FBXO8: variants seen among roughly 807,000 people sequenced by gnomAD.
FBXO8 encodes the protein F-box only protein 8.
A neutral mutation model predicts 33.4 loss-of-function variants in FBXO8; 15 were observed. That is an observed-to-expected ratio of 0.45 (90% CI 0.30 to 0.69). The LOEUF (loss-of-function observed/expected upper bound fraction) is 0.69, where lower values mean the gene tolerates loss of function less well. Among genes scored for constraint, FBXO8 ranks in the 30% least tolerant of loss-of-function variants. The pLI, the probability that FBXO8 is intolerant of heterozygous loss-of-function variation, is 0.08. For synonymous variants in FBXO8, 132 were observed against 131.5 expected, an observed-to-expected ratio of 1.00 and a Z score of -0.02; for missense variants, 274 against 380.3, an observed-to-expected ratio of 0.72 and a Z score of 2.32.
intron 1 of FBXO8, among the ~76,000 whole-genome samples, chr4:174,279,101 G>C (rs1265996869): frequency 6.6e-6 from 1 of 151,954 alleles, no homozygotes; most frequent in Non-Finnish European, 1.5e-5. Context: ...TGGAAAGAAA[G>C]CAGTAAAATC....
In FBXO8 at chr4:174,251,852, G is replaced by T. The variant is rs143371860; in HGVS notation, c.456+7847C>A. On this transcript the variant is annotated intron_variant, in intron 3 of 5. Coordinates refer to ENST00000393674, the MANE Select transcript of FBXO8 (RefSeq NM_012180.3). The surrounding 1 kb of genome is among the most constrained non-coding windows in gnomAD (Gnocchi z 4.2). ...CTATGGGTAAACAGTTCTTACAGAG[G>T]GGGGAGCTACTTAAGCCATATTTGG... is the stretch of plus-strand genomic sequence containing the variant. Among the ~76,000 whole-genome samples, 1 of 152,082 alleles carries T rather than the reference G, an allele frequency of 6.6e-6. No homozygotes were observed. Among genetic ancestry groups the T allele is most frequent in the Non-Finnish European group, 1.5e-5 (1 of 68,014 alleles).
At chr4:174,250,721 G>A (rs546509817) in intron 3 of FBXO8, among the ~76,000 whole-genome samples, 2 of 152,180 alleles carry the variant, frequency 1.3e-5, no homozygotes, top group East Asian at 1.9e-4. Context: ...GTAAGTTGAT[G>A]GATGTCTTAC....
Position 174,255,582 on chromosome 4 carries a change from A to T in FBXO8, c.456+4117T>A, listed in dbSNP as rs1402574410. Among the ~76,000 whole-genome samples the T allele has an allele frequency of 3.3e-5, 5 of 151,882 alleles. 1 individual carries two copies. Among genetic ancestry groups the T allele is most frequent in the Admixed American group, 3.3e-4 (5 of 15,254 alleles). ...ATAAATACCAGAAAAATGTGCTTACATAGTCATTAAAAAAAAAAACTTGTT... is the reference window on the plus strand; with the variant it reads ...ATAAATACCAGAAAAATGTGCTTACTTAGTCATTAAAAAAAAAAACTTGTT... On this transcript the variant is annotated intron_variant, in intron 3 of 5. Transcript: ENST00000393674. This position sits in a 1 kb window ranked among gnomAD's most constrained non-coding sequence, Gnocchi z 4.3.
chr4:174,271,025 T>G (rs1452350086), intron 1 of FBXO8, among the ~76,000 whole-genome samples: 2 of 152,156 alleles, frequency 1.3e-5, no homozygotes, highest in African/African-American at 2.4e-5. Flanking sequence ...TTTATGGAAC[T>G]TTTTTGGAAA....
In FBXO8 at chr4:174,267,488, A is replaced by G. The variant is rs1736720272; in HGVS notation, c.-8-4388T>C. On this transcript the variant is annotated intron_variant, in intron 1 of 5. Transcript: ENST00000393674. The surrounding 1 kb of genome is among the most constrained non-coding windows in gnomAD (Gnocchi z 4.7). ...CTTGAGCTCAGGAGTTTGAGGTTATAGTGAGCTATGATCACACCACTGCAC... is the reference window on the plus strand; with the variant it reads ...CTTGAGCTCAGGAGTTTGAGGTTATGGTGAGCTATGATCACACCACTGCAC... Among the ~76,000 whole-genome samples the G allele has an allele frequency of 6.6e-6, 1 of 152,218 alleles. No homozygotes were observed. Among genetic ancestry groups the G allele is most frequent in the Non-Finnish European group, 1.5e-5 (1 of 68,032 alleles).
At position 174,256,229 on chromosome 4, in the gene FBXO8, A is replaced by G; in HGVS notation, c.456+3470T>C. 2.3e-6 allele frequency: 1 copy of G among 441,706 alleles called. No homozygotes were observed. Among genetic ancestry groups the G allele is most frequent in the Non-Finnish European group, 4.5e-6 (1 of 222,452 alleles). 27.4% of individuals were successfully genotyped at this position (441,706 alleles called of 1,614,324 possible). ...ACAATACTGGAAATTATGAAAAAGTAGACTTTTTACAATACTAAGCAATTA... is the reference window on the plus strand; with the variant it reads ...ACAATACTGGAAATTATGAAAAAGTGGACTTTTTACAATACTAAGCAATTA... On this transcript the variant is annotated intron_variant, in intron 3 of 5. Coordinates refer to ENST00000393674, the MANE Select transcript of FBXO8 (RefSeq NM_012180.3). This position sits in a 1 kb window ranked among gnomAD's most constrained non-coding sequence, Gnocchi z 4.6.
At chr4:174,269,768 A>G (rs1270561729) in intron 1 of FBXO8, among the ~76,000 whole-genome samples, 1 of 152,208 alleles carries the variant, frequency 6.6e-6, no homozygotes, top group Non-Finnish European at 1.5e-5. Flanking sequence ...TAATTTCCAG[A>G]GAATGATTAG....
chr4:174,240,717 T>C (rs1042995278), intron 4 of FBXO8, among the ~76,000 whole-genome samples: 1 of 151,702 alleles, frequency 6.6e-6, no homozygotes. Context: ...CTATAATCTG[T>C]CTTTGTACTA....
Position 174,251,462 on chromosome 4 carries a change from A to T in FBXO8, c.456+8237T>A, listed in dbSNP as rs899740444. On this transcript the variant is annotated intron_variant, in intron 3 of 5. Transcript: ENST00000393674. The surrounding 1 kb of genome is among the most constrained non-coding windows in gnomAD (Gnocchi z 4.2). ...ACATGTTGGAGTGACTCTGGGAGAA[A>T]AGGGAAAAGGAGGGTGGCTGGGATA... 1.3e-5 allele frequency among the ~76,000 whole-genome samples: 2 copies of T among 152,124 alleles called. No individual in the cohort carries two copies. The highest frequency in any genetic ancestry group is 1.3e-4 in the Admixed American group (2 of 15,268).
intron 3 of FBXO8, among the ~76,000 whole-genome samples, chr4:174,243,809 GAT>G (rs368857811): frequency 1.4e-4 from 21 of 148,406 alleles, no homozygotes; most frequent in Admixed American, 2.0e-4. Context: ...CATTAGTCTA[GAT>G]ATATATATAT....
Position 174,283,176 on chromosome 4 carries a change from G to T in FBXO8, c.-9+234C>A, listed in dbSNP as rs747928329. Reference sequence around the variant, plus strand: ...GTCCTAAACCGAACTACACCCCAATGGCCTAGAAACAGAAGGAACACACCC... The same window carrying T: ...GTCCTAAACCGAACTACACCCCAATTGCCTAGAAACAGAAGGAACACACCC... On this transcript the variant is annotated intron_variant, in intron 1 of 5. Coordinates refer to ENST00000393674, the MANE Select transcript of FBXO8 (RefSeq NM_012180.3). This position sits in a 1 kb window ranked among gnomAD's most constrained non-coding sequence, Gnocchi z 6.7. Among the ~76,000 whole-genome samples, 4 of 152,096 alleles carry T rather than the reference G, an allele frequency of 2.6e-5. No individual in the cohort carries two copies. Among genetic ancestry groups the T allele is most frequent in the Non-Finnish European group, 5.9e-5 (4 of 68,024 alleles).
rs565720650 is a variant in FBXO8, at chr4:174,259,582, G to A, written c.456+117C>T. Reference sequence around the variant, plus strand: ...AGTTTAAAATATTGGTTTTCTCAGTGATCAAAAAAGCATGTTCAATGACTT... The same window carrying A: ...AGTTTAAAATATTGGTTTTCTCAGTAATCAAAAAAGCATGTTCAATGACTT... On this transcript the variant is annotated intron_variant, in intron 3 of 5. Transcript: ENST00000393674. This position sits in a 1 kb window ranked among gnomAD's most constrained non-coding sequence, Gnocchi z 4.3. The A allele has an allele frequency of 1.2e-4, 158 of 1,320,996 alleles. 1 individual carries two copies. The highest frequency in any genetic ancestry group is 7.5e-4 in the Middle Eastern group (4 of 5,306). 81.8% of individuals were successfully genotyped at this position (1,320,996 alleles called of 1,614,324 possible).
At position 174,256,035 on chromosome 4, in the gene FBXO8, G is replaced by T. The variant is rs572473475; in HGVS notation, c.456+3664C>A. On this transcript the variant is annotated intron_variant, in intron 3 of 5. Transcript: ENST00000393674. The surrounding 1 kb of genome is among the most constrained non-coding windows in gnomAD (Gnocchi z 4.6). ...GTGCCAGATTATCGTACCACAAACT[G>T]TGCAGATGTTCTCCCCCACCCCATG... is the stretch of plus-strand genomic sequence containing the variant. 4.5e-4 allele frequency: 206 copies of T among 455,410 alleles called. 2 individuals carry two copies. Among genetic ancestry groups the T allele is most frequent in the African/African-American group, 3.5e-3 (175 of 50,134 alleles). The allele number at this position is 455,410 out of a possible 1,614,324, so 28.2% of individuals were successfully genotyped here.
At chr4:174,243,434 A>G (rs1295906736) in intron 3 of FBXO8, among the ~76,000 whole-genome samples, 2 of 150,942 alleles carry the variant, frequency 1.3e-5, no homozygotes, top group South Asian at 2.1e-4. Context: ...ACAAAAAGAC[A>G]TGAGAACAGA....
intron 1 of FBXO8, among the ~76,000 whole-genome samples, chr4:174,280,545 T>C (rs116182243): frequency 0.013 from 2,031 of 152,280 alleles, 19 homozygotes; most frequent in African/African-American, 0.02. Flanking sequence ...CCCATGTTCA[T>C]AGCAGCATTA....
rs766884871 is a variant in FBXO8, at chr4:174,251,400, G to A, written c.456+8299C>T. Reference sequence around the variant, plus strand: ...TTCAAGTTTCTAAAAGGTTTATTCCGAGTCCACAAACCTCCTCTGGGAACT... The same window carrying A: ...TTCAAGTTTCTAAAAGGTTTATTCCAAGTCCACAAACCTCCTCTGGGAACT... On this transcript the variant is annotated intron_variant, in intron 3 of 5. Coordinates refer to ENST00000393674, the MANE Select transcript of FBXO8 (RefSeq NM_012180.3). This position sits in a 1 kb window ranked among gnomAD's most constrained non-coding sequence, Gnocchi z 4.2. Among the ~76,000 whole-genome samples the A allele has an allele frequency of 1.3e-5, 2 of 152,056 alleles. No individual in the cohort carries two copies. The highest frequency in any genetic ancestry group is 6.6e-5 in the Admixed American group (1 of 15,236).
At chr4:174,258,019 T>C (rs1357153604) in intron 3 of FBXO8, among the ~76,000 whole-genome samples, 2 of 152,194 alleles carry the variant, frequency 1.3e-5, no homozygotes, top group Admixed American at 1.3e-4. Context: ...TGAGCCACTA[T>C]GCCTGGCCTG....
At position 174,281,410 on chromosome 4, in the gene FBXO8, T is replaced by C. The variant is rs367737647; in HGVS notation, c.-9+2000A>G. Among the ~76,000 whole-genome samples the C allele has an allele frequency of 2.0e-5, 3 of 152,218 alleles. No individual in the cohort carries two copies. The South Asian group carries it at 6.2e-4, about 31-fold the overall frequency. ...ATTTTTATCTTATATTGCTATAAAGTACTTGCACCAGCACAGTGGCTCACA... is the reference window on the plus strand; with the variant it reads ...ATTTTTATCTTATATTGCTATAAAGCACTTGCACCAGCACAGTGGCTCACA... On this transcript the variant is annotated intron_variant, in intron 1 of 5. Transcript: ENST00000393674. This position sits in a 1 kb window ranked among gnomAD's most constrained non-coding sequence, Gnocchi z 4.6.
At chr4:174,273,323 T>TAAA (rs368582397) in intron 1 of FBXO8, among the ~76,000 whole-genome samples, 1 of 109,484 alleles carries the variant, frequency 9.1e-6, no homozygotes, top group African/African-American at 3.4e-5. Flanking sequence ...TCATAAAAGT[T>TAAA]AAAAAAAAAA....
Sources: allele counts gnomAD v4.1 joint callset (sites outside exome capture counted in the v4.1 genomes callset), GRCh38; gene constraint gnomAD v4.1.1; non-coding constraint Gnocchi (gnomAD v3.1); transcripts MANE v1.5; gene names NCBI Gene and HGNC (gene_info 2026-07-23, HGNC 2026-07-21).